Variants in PTPRN2 observed in about 807,000 individuals in gnomAD.
PTPRN2 encodes the protein receptor-type tyrosine-protein phosphatase N2.
In PTPRN2, 74 loss-of-function variants were observed where a neutral mutation model predicts 118.8. The ratio of observed to expected loss-of-function variants is 0.62; its 90% CI spans 0.52 to 0.76. The LOEUF (loss-of-function observed/expected upper bound fraction) is 0.76. PTPRN2 is among the 30% of genes least tolerant of loss of function. The pLI is 0.00. For synonymous variants in PTPRN2, 641 were observed against 608.0 expected, an observed-to-expected ratio of 1.05 and a Z score of -0.80; for missense variants, 1,481 against 1,394.4, an observed-to-expected ratio of 1.06 and a Z score of -0.99.
Position 157,861,787 on chromosome 7 carries a change from C to T in PTPRN2, c.1788+36886G>A, listed in dbSNP as rs1423670525. Reference sequence around the variant, plus strand: ...GCGCTTCCCTCCTGCCTCCGAGCCACGCAGACGGCTTCCCTCTGCATGCCG... The same window carrying T: ...GCGCTTCCCTCCTGCCTCCGAGCCATGCAGACGGCTTCCCTCTGCATGCCG... On this transcript the variant is annotated intron_variant, in intron 12 of 22. Transcript: ENST00000389418. This position sits in a 1 kb window ranked among gnomAD's most constrained non-coding sequence, Gnocchi z 5.8. 3.9e-5 allele frequency among the ~76,000 whole-genome samples: 6 copies of T among 152,252 alleles called. No individual in the cohort carries two copies. The highest frequency in any genetic ancestry group is 7.2e-5 in the African/African-American group (3 of 41,464).
chr7:158,395,368 C>T (rs1196640899), intron 2 of PTPRN2, among the ~76,000 whole-genome samples: 1 of 2,710 alleles, frequency 3.7e-4, no homozygotes, highest in Non-Finnish European at 6.6e-4. Context: ...GGGCGAGGGG[C>T]GAGGGGGAGG....
intron 5 of PTPRN2, among the ~76,000 whole-genome samples, chr7:158,186,860 C>A (rs1585778482): frequency 6.6e-6 from 1 of 152,252 alleles, no homozygotes; most frequent in Non-Finnish European, 1.5e-5. Flanking sequence ...AACTAACTTT[C>A]CTTAATCATT....
At chr7:157,640,779 G>A (rs1804622246) in intron 14 of PTPRN2, among the ~76,000 whole-genome samples, 1 of 152,152 alleles carries the variant, frequency 6.6e-6, no homozygotes, top group Non-Finnish European at 1.5e-5. Context: ...GGGTTTCAAG[G>A]TAATAAAAGA....
At chr7:157,577,794 C>T (rs1800134182) in intron 18 of PTPRN2, among the ~76,000 whole-genome samples, 1 of 152,184 alleles carries the variant, frequency 6.6e-6, no homozygotes, top group South Asian at 2.1e-4. Context: ...CACGGGCATG[C>T]GGCCCTCGGG....
chr7:157,702,373 G>A (rs530641934), intron 12 of PTPRN2, among the ~76,000 whole-genome samples: 46 of 152,284 alleles, frequency 3.0e-4, no homozygotes, highest in African/African-American at 1.1e-3. Context: ...AGCCTGGTAG[G>A]TGCTGGTGTA....
intron 3 of PTPRN2, among the ~76,000 whole-genome samples, chr7:158,307,350 G>C (rs1008018037): frequency 6.6e-6 from 1 of 151,840 alleles, no homozygotes; most frequent in Non-Finnish European, 1.5e-5. Flanking sequence ...GCAGAAGAAA[G>C]AATCAGCAAA....
rs1050978468 is a variant in PTPRN2 at position 158,097,921 on chromosome 7, C to T, written c.1643+12908G>A. On this transcript the variant is annotated intron_variant, in intron 10 of 22. Coordinates refer to ENST00000389418, the MANE Select transcript of PTPRN2 (RefSeq NM_002847.5). ...ATCCTGTCCGCCTCTTTTCCTTTCC[C>T]GGAACAATGAGCAGCTCCCAGAACA... 2.6e-5 allele frequency among the ~76,000 whole-genome samples: 4 copies of T among 152,210 alleles called. No homozygotes were observed. In the South Asian group the frequency reaches 6.2e-4, roughly 24 times the overall value.
chr7:157,553,841 G>A (rs221277), intron 21 of PTPRN2, among the ~76,000 whole-genome samples: 139,882 of 151,552 alleles, frequency 0.92, 64,754 homozygotes, highest in Middle Eastern at 0.99. Flanking sequence ...CAAGTGTGGT[G>A]GAGACAGAAG....
chr7:158,124,542 G>T (rs190107590), intron 9 of PTPRN2, among the ~76,000 whole-genome samples: 3 of 152,372 alleles, frequency 2.0e-5, no homozygotes, highest in African/African-American at 7.2e-5. Context: ...CATGGCCAAT[G>T]GTTTGGCCAG....
At chr7:158,217,158 G>A (rs1360201420) in intron 3 of PTPRN2, among the ~76,000 whole-genome samples, 5 of 152,298 alleles carry the variant, frequency 3.3e-5, no homozygotes, top group African/African-American at 1.2e-4. Flanking sequence ...CCCTGCCAGG[G>A]CACTTTTGCC....
intron 12 of PTPRN2, among the ~76,000 whole-genome samples, chr7:157,789,534 A>G (rs796534616): frequency 5.3e-5 from 8 of 152,338 alleles, no homozygotes; most frequent in African/African-American, 1.9e-4. Flanking sequence ...CTTCTCTTCA[A>G]AAGTGTTACC....
In PTPRN2 at chr7:158,098,961, G is replaced by A. The variant is rs1390067602; in HGVS notation, c.1643+11868C>T. ...GCCTTGAAGACCCACTTCTTCTCTG[G>A]CCTCATTCCTGGGTTCCGCATCCCG... is the stretch of plus-strand genomic sequence containing the variant. On this transcript the variant is annotated intron_variant, in intron 10 of 22. Coordinates refer to ENST00000389418, the MANE Select transcript of PTPRN2 (RefSeq NM_002847.5). Among the ~76,000 whole-genome samples, 2 of 148,088 alleles carry A rather than the reference G, an allele frequency of 1.4e-5. 1 individual carries two copies. The highest frequency in any genetic ancestry group is 3.9e-4 in the East Asian group (2 of 5,074).
chr7:157,731,876 G>A (rs112993867), intron 12 of PTPRN2, among the ~76,000 whole-genome samples: 2,910 of 21,820 alleles, frequency 0.13, 54 homozygotes, highest in East Asian at 0.29. Context: ...ACTCTTTTCC[G>A]CCCCATGCGC....
At chr7:157,927,089 AG>A (rs1799043801) in intron 11 of PTPRN2, among the ~76,000 whole-genome samples, 3 of 127,636 alleles carry the variant, frequency 2.4e-5, no homozygotes, top group Non-Finnish European at 3.6e-5. Flanking sequence ...CCCCGAAGAC[AG>A]GAAGCCCCAG....
At chr7:157,686,059 A>C (rs1797174054) in intron 12 of PTPRN2, among the ~76,000 whole-genome samples, 1 of 152,186 alleles carries the variant, frequency 6.6e-6, no homozygotes. Flanking sequence ...GACCGCGGGC[A>C]GCGCCGGGGC....
rs531136544 is a variant in PTPRN2 at position 157,772,356 on chromosome 7, CAT to C, written c.1789-89421_1789-89420del. Among the ~76,000 whole-genome samples the C allele has an allele frequency of 1.9e-4, 29 of 151,936 alleles. No individual in the cohort carries two copies. The South Asian group carries it at 5.2e-3, about 27-fold the overall frequency. ...ATACACACAGACATACACACACACA[CAT>C]ACACACAGACACAGACACACACAGA... On this transcript the variant is annotated intron_variant, in intron 12 of 22. Coordinates refer to ENST00000389418, the MANE Select transcript of PTPRN2 (RefSeq NM_002847.5).
chr7:157,760,343 C>T lies in PTPRN2; in HGVS notation c.1789-77406G>A, dbSNP rs926004521. Among the ~76,000 whole-genome samples the T allele has an allele frequency of 8.6e-5, 13 of 151,394 alleles. 1 individual carries two copies. The highest frequency in any genetic ancestry group is 4.6e-4 in the Admixed American group (7 of 15,176). On this transcript the variant is annotated intron_variant, in intron 12 of 22. Coordinates refer to ENST00000389418, the MANE Select transcript of PTPRN2 (RefSeq NM_002847.5). ...TTTGCAGAGAAGTGAACTCAGCAGT[C>T]GGGATGCAGGGTGCACGTTCTCGGT... is the stretch of plus-strand genomic sequence containing the variant.
In PTPRN2 at chr7:157,794,886, G is replaced by C. The variant is rs925161993; in HGVS notation, c.1788+103787C>G. Among the ~76,000 whole-genome samples the C allele has an allele frequency of 2.6e-5, 4 of 152,224 alleles. No homozygotes were observed. The highest frequency in any genetic ancestry group is 4.4e-5 in the Non-Finnish European group (3 of 68,030). On this transcript the variant is annotated intron_variant, in intron 12 of 22. Transcript: ENST00000389418. This position sits in a 1 kb window ranked among gnomAD's most constrained non-coding sequence, Gnocchi z 5.2. Reference sequence around the variant, plus strand: ...TGCCTGCACTCATTGTCATGCTAAAGCACATCACCTCGGTCCTCAGAGAGG... The same window carrying C: ...TGCCTGCACTCATTGTCATGCTAAACCACATCACCTCGGTCCTCAGAGAGG...
At chr7:157,734,633 A>T (rs968547700) in intron 12 of PTPRN2, among the ~76,000 whole-genome samples, 7 of 152,200 alleles carry the variant, frequency 4.6e-5, no homozygotes, top group Non-Finnish European at 8.8e-5. Context: ...GCCCCAAATA[A>T]ACAGTCTCTA....
Sources: allele counts gnomAD v4.1 joint callset (sites outside exome capture counted in the v4.1 genomes callset), GRCh38; gene constraint gnomAD v4.1.1; non-coding constraint Gnocchi (gnomAD v3.1); transcripts MANE v1.5; gene names NCBI Gene and HGNC (gene_info 2026-07-23, HGNC 2026-07-21).